The following ERAP1 variants were observed in gnomAD, a reference collection of about 807,000 sequenced individuals.
ERAP1 encodes endoplasmic reticulum aminopeptidase 1.
Under a neutral mutation model 103.7 loss-of-function variants are expected in ERAP1, and 86 were observed. The ratio of observed to expected loss-of-function variants is 0.83; its 90% CI spans 0.70 to 0.99. The LOEUF is 0.99. ERAP1 is among the 50% of genes least tolerant of loss of function. The pLI is 0.00. For missense variants in ERAP1, 1,009 were observed against 1,128.4 expected, an observed-to-expected ratio of 0.89 and a Z score of 1.52; for synonymous variants, 398 against 402.4, an observed-to-expected ratio of 0.99 and a Z score of 0.13.
the ERAP1 span, among the ~76,000 whole-genome samples, chr5:96,924,131 G>A: frequency 6.6e-6 from 1 of 152,350 alleles, no homozygotes. Flanking sequence ...GCTAGTACAC[G>A]ATGGTATATG....
the ERAP1 span, among the ~76,000 whole-genome samples, chr5:96,849,011 A>C: frequency 6.6e-6 from 1 of 152,220 alleles, no homozygotes; most frequent in African/African-American, 2.4e-5. Flanking sequence ...TATTAACAGA[A>C]TGAAGGACAA....
At chr5:96,902,297 C>T in the ERAP1 span, 4 of 1,611,224 alleles carry the variant, frequency 2.5e-6, no homozygotes, top group Middle Eastern at 1.7e-4. Flanking sequence ...ATCCCATTGA[C>T]CTACTCCACG....
chr5:96,903,847 G>T, the ERAP1 span, among the ~76,000 whole-genome samples: 1 of 152,104 alleles, frequency 6.6e-6, no homozygotes, highest in African/African-American at 2.4e-5. Context: ...TTTATCCTGT[G>T]GGCCACAGGA....
chr5:96,883,774 G>A, the ERAP1 span: 2 of 1,605,956 alleles, frequency 1.2e-6, no homozygotes, highest in East Asian at 2.2e-5. Flanking sequence ...TTTTGGCTGG[G>A]GGTGGGTCTT....
the ERAP1 span, chr5:96,917,510 A>G: frequency 6.2e-7 from 1 of 1,613,924 alleles, no homozygotes; most frequent in Non-Finnish European, 8.5e-7. Context: ...ACATCTGGAT[A>G]TTTTTCAAAC....
Position 96,783,877 on chromosome 5 carries a change from T to TC in ERAP1, c.2100+46_2100+47insG, listed in dbSNP as rs56812530. 5.5e-4 allele frequency: 797 copies of TC among 1,451,620 alleles called. 87 individuals are homozygous for TC. Among genetic ancestry groups the TC allele is most frequent in the Non-Finnish European group, 6.9e-4 (727 of 1,059,310 alleles). The allele number at this position is 1,451,620 out of a possible 1,614,324, so 89.9% of individuals were successfully genotyped here. A position where few individuals can be genotyped will look rare whatever the true frequency, so the allele number is the denominator to read the frequency against. The stretch of plus-strand genomic sequence containing the variant: ...CACATACACACACAATGATTAACAC[T>TC]TTTTAACACAAATAATAATTACATA... On this transcript the variant is annotated intron_variant, in intron 14 of 18. Coordinates refer to ENST00000443439, the MANE Select transcript of ERAP1 (RefSeq NM_001040458.3).
chr5:96,772,962 C>T (rs1264091980), downstream of ERAP1: 1 of 153,844 alleles, frequency 6.5e-6, no homozygotes, highest in Non-Finnish European at 1.5e-5. Flanking sequence ...AATTTTTGCA[C>T]ATTCTACACA....
At chr5:96,823,514 T>C in the ERAP1 span, among the ~76,000 whole-genome samples, 2 of 152,222 alleles carry the variant, frequency 1.3e-5, no homozygotes, top group African/African-American at 2.4e-5. Flanking sequence ...GGCAAAGTTG[T>C]TTTCTTAAAA....
chr5:96,782,909 C>G, intron 15 of ERAP1, 142 bp downstream of exon 15: 1 of 841,076 alleles, frequency 1.2e-6, no homozygotes, highest in Non-Finnish European at 1.9e-6. Flanking sequence ...ATAGATAAAT[C>G]TTAAAAAGCA....
the ERAP1 span, among the ~76,000 whole-genome samples, chr5:96,848,434 T>A: frequency 6.6e-6 from 1 of 151,888 alleles, no homozygotes. Context: ...AAATAAAAAA[T>A]CAAAAATGAA....
intron 19 of ERAP1, chr5:96,767,395 T>C (rs1353192598): frequency 1.3e-6 from 2 of 1,539,290 alleles, no homozygotes; most frequent in South Asian, 2.2e-5. Context: ...AGTAAACCTT[T>C]ACAGATATCT....
At chr5:96,901,464 G>C in the ERAP1 span, 3 of 1,595,590 alleles carry the variant, frequency 1.9e-6, no homozygotes, top group South Asian at 3.4e-5. Flanking sequence ...TCTTTGGATT[G>C]TCTCCTCTCT....
rs754996671 is a variant in ERAP1, at chr5:96,776,502, C to A, written c.2720G>T (p.Cys907Phe). 25 of 1,614,182 alleles carry A rather than the reference C, an allele frequency of 1.5e-5. No individual in the cohort carries two copies. In the Admixed American group the frequency reaches 4.2e-4, roughly 27 times the overall value. ...AATGGTTTCAATTGTCTGTTGGACA[C>A]AACGGAGCTGAGAACCATTTTCTTT... The part of the protein sequence containing the change: ...SLKENGSQLR[C>F]VQQTIETIEE... The change falls in exon 19 of 19, where the codon TGT becomes TTT. Residue 907 changes from cysteine to phenylalanine, a missense_variant. Cys to Phe is a radical substitution (Grantham distance 205). This residue lies in a region of ERAP1 where 611 missense variants were observed against 651.7 expected (regional missense o/e 0.94). Coordinates refer to ENST00000443439, the MANE Select transcript of ERAP1 (RefSeq NM_001040458.3).
chr5:96,806,839 C>T, intron 1 of ERAP1, among the ~76,000 whole-genome samples: 2 of 127,698 alleles, frequency 1.6e-5, no homozygotes. Context: ...AATAAAAATG[C>T]TGGATTAATT....
At chr5:96,906,250 C>T in the ERAP1 span, among the ~76,000 whole-genome samples, 2 of 151,648 alleles carry the variant, frequency 1.3e-5, no homozygotes, top group Non-Finnish European at 2.9e-5. Flanking sequence ...TCTTCCTCTT[C>T]TACTTCTTCC....
chr5:96,801,059 G>A, intron 2 of ERAP1, 59 bp from the exon 3 acceptor site: 1 of 1,586,972 alleles, frequency 6.3e-7, no homozygotes, highest in Non-Finnish European at 8.6e-7. Context: ...CTCTAAAACA[G>A]GTGTTTGCTT....
At chr5:96,768,960 GCTC>G (rs558753168) in intron 19 of ERAP1, 1 of 152,322 alleles carries the variant, frequency 6.6e-6, no homozygotes, top group East Asian at 1.9e-4. Flanking sequence ...TTACCTCTGT[GCTC>G]CTCATTAGCA....
At chr5:96,784,122 C>T (rs78102054) in intron 13 of ERAP1, 42 bp from the exon 14 acceptor site, 109 of 1,606,958 alleles carry the variant, frequency 6.8e-5, no homozygotes, top group African/African-American at 4.9e-4. Context: ...AAAGTAAATC[C>T]GGGAAGTCAA....
the ERAP1 span, among the ~76,000 whole-genome samples, chr5:96,872,075 A>G: frequency 2.0e-5 from 3 of 152,214 alleles, no homozygotes; most frequent in East Asian, 5.8e-4. Context: ...ATTTTGTCTG[A>G]AAAAGAACAT....
Sources: allele counts gnomAD v4.1 joint callset (sites outside exome capture counted in the v4.1 genomes callset), GRCh38; gene constraint gnomAD v4.1.1; regional missense constraint gnomAD v4.1.1; transcripts MANE v1.5; gene names NCBI Gene and HGNC (gene_info 2026-07-23, HGNC 2026-07-21).